Variants in CFAP97D2 observed in about 807,000 individuals in gnomAD.
The protein encoded by CFAP97D2 is CFAP97 domain containing 2.
intron 4 of CFAP97D2, among the ~76,000 whole-genome samples, chr13:114,219,112 T>G (rs2081008521): frequency 6.6e-6 from 1 of 152,112 alleles, no homozygotes; most frequent in African/African-American, 2.4e-5. Flanking sequence ...GGGAGAAAAT[T>G]TTTGCAATCT....
At chr13:114,197,064 C>G (rs921244149) in intron 2 of CFAP97D2, among the ~76,000 whole-genome samples, 3 of 152,122 alleles carry the variant, frequency 2.0e-5, no homozygotes, top group African/African-American at 7.2e-5. Context: ...GCAGATGAAG[C>G]CTCCAGGTAG....
intron 1 of CFAP97D2, among the ~76,000 whole-genome samples, chr13:114,182,082 C>T (rs184402572): frequency 6.6e-6 from 1 of 152,008 alleles, no homozygotes; most frequent in Admixed American, 6.5e-5. Flanking sequence ...TGAGTTCCCT[C>T]AGTTTTTATT....
intron 1 of CFAP97D2, among the ~76,000 whole-genome samples, chr13:114,182,394 C>A (rs965034507): frequency 7.2e-5 from 11 of 152,262 alleles, no homozygotes; most frequent in South Asian, 2.1e-4. Flanking sequence ...CCGAGACATT[C>A]AGTTCCCAGG....
chr13:114,198,070 C>A (rs2080895394), intron 2 of CFAP97D2, among the ~76,000 whole-genome samples: 1 of 152,172 alleles, frequency 6.6e-6, no homozygotes, highest in Admixed American at 6.5e-5. Flanking sequence ...TCACTGCAAC[C>A]TCCGCCTCCC....
At position 114,215,143 on chromosome 13, in the gene CFAP97D2, T is replaced by C. The variant is rs575424374; in HGVS notation, c.480+3042T>C. ...CAAACAGTCTAGCAATTTTCACCTCTGCTTAAAGTGGTCCCAAAGTGTCTG... is the reference window on the plus strand; with the variant it reads ...CAAACAGTCTAGCAATTTTCACCTCCGCTTAAAGTGGTCCCAAAGTGTCTG... On this transcript the variant is annotated intron_variant, in intron 4 of 4. Coordinates refer to ENST00000646158, the Ensembl canonical transcript of CFAP97D2. 1.8e-4 allele frequency among the ~76,000 whole-genome samples: 27 copies of C among 152,312 alleles called. No homozygotes were observed. The South Asian group carries it at 5.6e-3, about 32-fold the overall frequency.
rs1320870995 is a variant in CFAP97D2, at chr13:114,216,820, TG to T, written c.480+4722del. ...GGTATATGCCCAGTAATGGGATGAC[TG>T]GGTCAAATGGTATTTCTAGTTCTAG... On this transcript the variant is annotated intron_variant, in intron 4 of 4. Transcript: ENST00000646158. Among the ~76,000 whole-genome samples, 52 of 152,366 alleles carry T rather than the reference TG, an allele frequency of 3.4e-4. 1 individual carries two copies. Among genetic ancestry groups the T allele is most frequent in the African/African-American group, 1.2e-3 (49 of 41,586 alleles).
chr13:114,222,607 G>A (rs1325297549), downstream of CFAP97D2: 2 of 398,190 alleles, frequency 5.0e-6, no homozygotes, highest in Admixed American at 4.4e-5. This position sits in a 1 kb window ranked among gnomAD's most constrained non-coding sequence, Gnocchi z 4.4. Context: ...CAAGTGTGAT[G>A]AGGGAGTCAC....
rs559247879 is a variant in CFAP97D2, at chr13:114,211,504, C to T, written c.291-408C>T. On this transcript the variant is annotated intron_variant, in intron 3 of 4. Coordinates refer to ENST00000646158, the Ensembl canonical transcript of CFAP97D2. The surrounding 1 kb of genome is among the most constrained non-coding windows in gnomAD (Gnocchi z 4.2). The stretch of plus-strand genomic sequence containing the variant: ...CTCCCATGGGCGCCTGGGTGCTTGC[C>T]CTCCCCGCCTGGGACCCTGCTCTCC... Among the ~76,000 whole-genome samples, 2 of 152,264 alleles carry T rather than the reference C, an allele frequency of 1.3e-5. No individual in the cohort carries two copies. Among genetic ancestry groups the T allele is most frequent in the African/African-American group, 4.8e-5 (2 of 41,550 alleles).
At chr13:114,218,803 C>T (rs1288254425) in intron 4 of CFAP97D2, among the ~76,000 whole-genome samples, 1 of 152,150 alleles carries the variant, frequency 6.6e-6, no homozygotes, top group Non-Finnish European at 1.5e-5. Context: ...ATAAATGGTG[C>T]TGGGAAAACT....
In CFAP97D2 at chr13:114,182,089, TATTG is replaced by T. The variant is rs543657816; in HGVS notation, c.90+2673_90+2676del. Among the ~76,000 whole-genome samples, 493 of 151,894 alleles carry T rather than the reference TATTG, an allele frequency of 3.2e-3. 5 individuals are homozygous for T. Among genetic ancestry groups the T allele is most frequent in the Middle Eastern group, 0.017 (5 of 292 alleles). ...CCGGTCTCTGAGTTCCCTCAGTTTT[TATTG>T]ATTATTATTTTCATTATTTCAGCAA... On this transcript the variant is annotated intron_variant, in intron 1 of 4. Transcript: ENST00000646158.
chr13:114,182,278 A>C (rs182593406), intron 1 of CFAP97D2, among the ~76,000 whole-genome samples: 3,757 of 151,728 alleles, frequency 0.025, 169 homozygotes, highest in African/African-American at 0.086. Context: ...ATCTCAGTGG[A>C]GTAAAGAATA....
intron 4 of CFAP97D2, among the ~76,000 whole-genome samples, chr13:114,221,115 C>T (rs576613977): frequency 2.0e-5 from 3 of 152,318 alleles, no homozygotes; most frequent in South Asian, 2.1e-4. Flanking sequence ...AGTGTAGTGG[C>T]GTGCGCCTGT....
chr13:114,200,717 C>CT (rs911484401), intron 3 of CFAP97D2, among the ~76,000 whole-genome samples: 3 of 152,240 alleles, frequency 2.0e-5, no homozygotes, highest in African/African-American at 7.2e-5. Context: ...TCTGAACCTG[C>CT]TAAGCGCTTG....
intron 3 of CFAP97D2, among the ~76,000 whole-genome samples, chr13:114,202,738 TTC>T (rs1327515796): frequency 2.0e-5 from 3 of 152,246 alleles, no homozygotes; most frequent in Non-Finnish European, 4.4e-5. Flanking sequence ...GATGCTCTTG[TTC>T]TGCCCATTTC....
Position 114,193,202 on chromosome 13 carries a change from A to G in CFAP97D2, c.91-3194A>G, listed in dbSNP as rs1164983732. 2.0e-5 allele frequency among the ~76,000 whole-genome samples: 3 copies of G among 152,244 alleles called. No individual in the cohort carries two copies. The East Asian group carries it at 5.8e-4, about 29-fold the overall frequency. On this transcript the variant is annotated intron_variant, in intron 1 of 4. Transcript: ENST00000646158. ...AAATGAAATTCCTAAGTATCTGGAA[A>G]AAAACAAAACAATCAATGGAAAAAC...
At chr13:114,182,384 C>T (rs993992659) in intron 1 of CFAP97D2, among the ~76,000 whole-genome samples, 26 of 152,266 alleles carry the variant, frequency 1.7e-4, no homozygotes, top group African/African-American at 5.8e-4. Flanking sequence ...GGGTTTTATA[C>T]CGAGACATTC....
chr13:114,201,201 G>T (rs1316060133), intron 3 of CFAP97D2, among the ~76,000 whole-genome samples: 1 of 152,116 alleles, frequency 6.6e-6, no homozygotes, highest in East Asian at 1.9e-4. Context: ...ACACATCCTA[G>T]AGTAACCTCA....
At chr13:114,204,891 C>A (rs2080932403) in intron 3 of CFAP97D2, among the ~76,000 whole-genome samples, 1 of 152,050 alleles carries the variant, frequency 6.6e-6, no homozygotes, top group African/African-American at 2.4e-5. Context: ...GTAAAAAAAA[C>A]CCACAGAATG....
At chr13:114,205,582 G>A (rs1475065832) in intron 3 of CFAP97D2, among the ~76,000 whole-genome samples, 1 of 152,146 alleles carries the variant, frequency 6.6e-6, no homozygotes, top group Non-Finnish European at 1.5e-5. Flanking sequence ...TCTAAATTCT[G>A]TTGCAAGTGA....
Sources: gnomAD v4.1 joint callset for allele counts (sites outside exome capture counted in the v4.1 genomes callset) on GRCh38, gnomAD v4.1.1 for gene constraint, Gnocchi (gnomAD v3.1) non-coding constraint, MANE v1.5 for transcripts, NCBI Gene and HGNC (gene_info 2026-07-23, HGNC 2026-07-21) for gene names.